The following NRK variants were observed in gnomAD, a reference collection of about 807,000 sequenced individuals.
The protein encoded by NRK is nik-related protein kinase.
A neutral mutation model predicts 125.2 loss-of-function variants in NRK; 67 were observed. That is an observed-to-expected ratio of 0.54 (90% CI 0.44 to 0.66). The LOEUF (loss-of-function observed/expected upper bound fraction) is 0.66, where lower values mean the gene tolerates loss of function less well. Ranked by LOEUF, NRK falls within the 30% of genes least tolerant of loss-of-function variation. NRK has a pLI of 0.00. For missense variants in NRK, 1,224 were observed against 1,192.9 expected (o/e 1.03, Z -0.38); for synonymous variants, 458 against 429.0 (o/e 1.07, Z -0.84).
intron 2 of NRK, among the ~76,000 whole-genome samples, chrX:105,849,573 A>G (rs2039444570): frequency 8.9e-6 from 1 of 112,277 alleles, no homozygotes. Context: ...TGAGCCTGTA[A>G]AATCAAAAGC....
At chrX:105,858,517 C>T (rs1372344143) in intron 2 of NRK, among the ~76,000 whole-genome samples, 1 of 110,102 alleles carries the variant, frequency 9.1e-6, no homozygotes, top group Non-Finnish European at 1.9e-5. Flanking sequence ...GACTTAGACC[C>T]CAGAGGTATA....
rs774745565 is a variant in NRK, at chrX:105,908,313, A to G, written c.1085+10A>G. 5.4e-6 allele frequency: 5 copies of G among 919,779 alleles called. No individual in the cohort carries two copies. In the Admixed American group the frequency reaches 9.5e-5, roughly 17 times the overall value. The allele number at this position is 919,779 out of a possible 1,213,427, so 75.8% of individuals were successfully genotyped here. ...CCGTGAGAAGATTCAGGTGCGTTCC[A>G]CAAATTGCATATATAATTTGATGAT... On this transcript the variant is annotated intron_variant, in intron 12 of 28. Coordinates refer to ENST00000243300, the MANE Select transcript of NRK (RefSeq NM_198465.4).
intron 27 of NRK, among the ~76,000 whole-genome samples, chrX:105,951,407 T>G (rs1247569581): frequency 1.8e-5 from 2 of 111,279 alleles, no homozygotes; most frequent in Admixed American, 1.9e-4. Flanking sequence ...TTGCTAGAAT[T>G]TGAAAGACAG....
At chrX:105,849,031 T>C (rs1232674031) in intron 2 of NRK, among the ~76,000 whole-genome samples, 2 of 112,029 alleles carry the variant, frequency 1.8e-5, no homozygotes, top group Non-Finnish European at 3.8e-5. Flanking sequence ...TCTCTCTGTA[T>C]TGTGCCTTAT....
intron 2 of NRK, among the ~76,000 whole-genome samples, chrX:105,831,748 G>A (rs753217520): frequency 9.0e-6 from 1 of 111,051 alleles, no homozygotes; most frequent in South Asian, 3.8e-4. Flanking sequence ...GGTTTGTTGG[G>A]GGAGCCATAC....
intron 2 of NRK, among the ~76,000 whole-genome samples, chrX:105,851,136 G>A (rs1355001019): frequency 8.9e-6 from 1 of 112,058 alleles, no homozygotes; most frequent in Non-Finnish European, 1.9e-5. Flanking sequence ...TGGTCTTGCT[G>A]CCTTCTGATG....
chrX:105,904,388 AAG>A (rs1210476356), intron 9 of NRK, among the ~76,000 whole-genome samples: 1 of 111,997 alleles, frequency 8.9e-6, no homozygotes, highest in Non-Finnish European at 1.9e-5. Context: ...GTGTGTATGA[AAG>A]AGAGAATGAA....
rs181794181 is a variant in NRK, at chrX:105,870,049, G to A, written c.124-10150G>A. Among the ~76,000 whole-genome samples, 552 of 111,293 alleles carry A rather than the reference G, an allele frequency of 5.0e-3. 14 individuals are homozygous for A. Among genetic ancestry groups the A allele is most frequent in the Admixed American group, 0.043 (451 of 10,444 alleles). ...GTTAAGCCCAGACAAACCTTAAAAG[G>A]AAAAGGTATACAATCTACCATAGTG... is the stretch of plus-strand genomic sequence containing the variant. On this transcript the variant is annotated intron_variant, in intron 2 of 28. Transcript: ENST00000243300.
chrX:105,917,594 CT>C lies in NRK; in HGVS notation c.2438del (p.Leu813TrpfsTer35). 8.6e-7 allele frequency: 1 copy of C among 1,166,160 alleles called. No individual in the cohort carries two copies. The highest frequency in any genetic ancestry group is 1.1e-6 in the Non-Finnish European group (1 of 869,638). On this transcript the variant is annotated frameshift_variant, in exon 16 of 29. Transcript: ENST00000243300. LOFTEE classifies it high-confidence loss of function. The part of the protein sequence containing the change: ...KFSSSVPQRS[L>X]LEQAQKPIDI... ...TTTCATTAGCGTTCCTCAGCGGTCT[CT>C]TTTGGAACAAGCTCAGAAGCCCATT...
At chrX:105,933,988 T>A (rs1185147195) in intron 19 of NRK, among the ~76,000 whole-genome samples, 1 of 111,875 alleles carries the variant, frequency 8.9e-6, no homozygotes, top group Non-Finnish European at 1.9e-5. Context: ...AGCTGATACA[T>A]GGTAAAAATT....
chrX:105,909,178 T>C lies in NRK; in HGVS notation c.1537T>C (p.Leu513=). The stretch of plus-strand genomic sequence containing the variant: ...GACCCAGACATCAGAACCACAAGAT[T>C]TGGACCAGGTACCAGAGGAATTTCA... The part of the protein sequence containing the change: ...AQTQTSEPQD[L]DQVPEEFQGQ... Residue 513 remains leucine, a synonymous_variant, in exon 13 of 29, where the codon TTG becomes CTG. Coordinates refer to ENST00000243300, the MANE Select transcript of NRK (RefSeq NM_198465.4). 7.4e-6 allele frequency: 9 copies of C among 1,210,459 alleles called. No individual in the cohort carries two copies. The highest frequency in any genetic ancestry group is 1.0e-5 in the Non-Finnish European group (9 of 895,012).
At chrX:105,854,496 A>G (rs1450962727) in intron 2 of NRK, among the ~76,000 whole-genome samples, 6 of 111,939 alleles carry the variant, frequency 5.4e-5, no homozygotes, top group African/African-American at 1.9e-4. Context: ...AATTTTATAT[A>G]TTTGGTCAAT....
At chrX:105,910,978 CT>C (rs1201839344) in intron 13 of NRK, among the ~76,000 whole-genome samples, 1 of 111,451 alleles carries the variant, frequency 9.0e-6, no homozygotes, top group African/African-American at 3.3e-5. Context: ...GCAACAAGGT[CT>C]ACGTGAGTCT....
chrX:105,934,708 A>G (rs1423567096), intron 20 of NRK, among the ~76,000 whole-genome samples: 1 of 112,659 alleles, frequency 8.9e-6, no homozygotes, highest in Non-Finnish European at 1.9e-5. Flanking sequence ...ATTCGTGTTC[A>G]ACAATGTATT....
At chrX:105,896,559 G>T (rs2040085382) in intron 7 of NRK, among the ~76,000 whole-genome samples, 1 of 111,607 alleles carries the variant, frequency 9.0e-6, no homozygotes, top group African/African-American at 3.3e-5. Flanking sequence ...ATAAGGAGAG[G>T]CCAGGTGCAG....
chrX:105,873,048 T>C (rs2039767918), intron 2 of NRK, among the ~76,000 whole-genome samples: 1 of 111,616 alleles, frequency 9.0e-6, no homozygotes, highest in Non-Finnish European at 1.9e-5. Flanking sequence ...ATGAGTGTAG[T>C]AAGTGCCTCA....
intron 28 of NRK, 45 bp from the exon 29 acceptor site, chrX:105,955,460 A>C (rs1366662256): frequency 1.4e-6 from 1 of 715,400 alleles, no homozygotes; most frequent in South Asian, 2.7e-5. Context: ...ATCTGGTTGC[A>C]ATGTATTAAA....
At chrX:105,843,924 G>C (rs924000867) in intron 2 of NRK, among the ~76,000 whole-genome samples, 1 of 108,444 alleles carries the variant, frequency 9.2e-6, no homozygotes, top group Non-Finnish European at 1.9e-5. Flanking sequence ...TTAATGGCTT[G>C]AAATGTTAAA....
At chrX:105,878,015 G>T (rs984574433) in intron 2 of NRK, among the ~76,000 whole-genome samples, 6 of 110,591 alleles carry the variant, frequency 5.4e-5, no homozygotes, top group African/African-American at 1.6e-4. Flanking sequence ...TAAATATTTT[G>T]TATTGCCCAA....
Sources: allele counts gnomAD v4.1 joint callset (sites outside exome capture counted in the v4.1 genomes callset), GRCh38; gene constraint gnomAD v4.1.1; transcripts MANE v1.5; gene names NCBI Gene and HGNC (gene_info 2026-07-23, HGNC 2026-07-21).